The following USH2A variants were observed in gnomAD, a reference collection of about 807,000 sequenced individuals.
The protein encoded by USH2A is usherin.
In USH2A, 443 loss-of-function variants were observed where a neutral mutation model predicts 538.9. The observed-to-expected ratio is 0.82, with a 90% CI of 0.76 to 0.89. The LOEUF is 0.89. Among genes scored for constraint, USH2A ranks in the 40% least tolerant of loss-of-function variants. The pLI is 0.00. For missense variants in USH2A, 6,633 were observed against 6,324.8 expected, an observed-to-expected ratio of 1.05 and a Z score of -1.65; for synonymous variants, 2,413 against 2,273.5, an observed-to-expected ratio of 1.06 and a Z score of -1.75.
chr1:216,050,561 T>TTTCTTTCC (rs1381048099), intron 30 of USH2A, among the ~76,000 whole-genome samples: 174 of 12,140 alleles, frequency 0.014, 7 homozygotes, highest in African/African-American at 0.037. Flanking sequence ...TTTGTATCTT[T>TTTCTTTCC]TTCTTTCTTT....
At chr1:216,358,512 T>G (rs1393894037) in intron 4 of USH2A, among the ~76,000 whole-genome samples, 1 of 152,102 alleles carries the variant, frequency 6.6e-6, no homozygotes, top group Non-Finnish European at 1.5e-5. Flanking sequence ...AGAAAATGAT[T>G]TATAATAAGT....
chr1:216,049,001 ACCT>A, intron 30 of USH2A, among the ~76,000 whole-genome samples: 1 of 152,192 alleles, frequency 6.6e-6, no homozygotes, highest in East Asian at 1.9e-4. Flanking sequence ...AGGATCCTAG[ACCT>A]CCTGCAGAAA....
At position 215,936,507 on chromosome 1, in the gene USH2A, T is replaced by C. The variant is rs141132947; in HGVS notation, c.7121-1712A>G. 1.1e-4 allele frequency among the ~76,000 whole-genome samples: 17 copies of C among 152,178 alleles called. No homozygotes were observed. In the East Asian group the frequency reaches 3.3e-3, roughly 29 times the overall value. ...TTCTTCATCTGTGAACTGGGAATGA[T>C]AATACAGTATTTACATTGCAGTGCT... On this transcript the variant is annotated intron_variant, in intron 37 of 71. Transcript: ENST00000307340.
At chr1:215,642,935 A>ACC (rs768982824) in intron 67 of USH2A, among the ~76,000 whole-genome samples, 1 of 152,212 alleles carries the variant, frequency 6.6e-6, no homozygotes, top group Non-Finnish European at 1.5e-5. Flanking sequence ...TCTTCTCCAG[A>ACC]CCCGTTGCTG....
intron 50 of USH2A, among the ~76,000 whole-genome samples, chr1:215,790,534 C>T (rs1466648613): frequency 6.6e-6 from 1 of 152,216 alleles, no homozygotes. Flanking sequence ...GGCCAAACTT[C>T]TCTCATGCTC....
rs555709016 is a variant in USH2A at position 215,786,375 on chromosome 1, G to T, written c.10387+295C>A. ...ATTGCAGCTTTTGAAAAAGGAAATT[G>T]GATTTATTGTAAATTAACTGGATAT... On this transcript the variant is annotated intron_variant, in intron 52 of 71. Coordinates refer to ENST00000307340, the MANE Select transcript of USH2A (RefSeq NM_206933.4). Among the ~76,000 whole-genome samples, 5 of 152,136 alleles carry T rather than the reference G, an allele frequency of 3.3e-5. No homozygotes were observed. The South Asian group carries it at 1.0e-3, about 32-fold the overall frequency.
At position 216,039,891 on chromosome 1, in the gene USH2A, C is replaced by A. The variant is rs184152701; in HGVS notation, c.6325+6540G>T. On this transcript the variant is annotated intron_variant, in intron 32 of 71. Coordinates refer to ENST00000307340, the MANE Select transcript of USH2A (RefSeq NM_206933.4). ...TACACATAGTTCTCTTTGACCTTGG[C>A]AAATAAGACCAAAAAAAAAGTTTTA... Among the ~76,000 whole-genome samples the A allele has an allele frequency of 2.6e-5, 4 of 151,866 alleles. No individual in the cohort carries two copies. In the East Asian group the frequency reaches 7.7e-4, roughly 29 times the overall value.
chr1:215,767,292 T>C (rs1188945432), intron 55 of USH2A, among the ~76,000 whole-genome samples: 3 of 152,172 alleles, frequency 2.0e-5, no homozygotes, highest in Non-Finnish European at 4.4e-5. Flanking sequence ...AAATCCCCCC[T>C]GAGTCTTCTC....
In USH2A at chr1:215,674,772, G is replaced by A. The variant is rs533179037; in HGVS notation, c.13139C>T (p.Thr4380Ile). 1.3e-5 allele frequency: 21 copies of A among 1,614,118 alleles called. No homozygotes were observed. The highest frequency in any genetic ancestry group is 1.6e-4 in the Middle Eastern group (1 of 6,062). Residue 4380 changes from threonine (T) to isoleucine (I), a missense_variant, in exon 63 of 72, where the codon ACA becomes ATA. Thr to Ile is a moderately conservative substitution (Grantham distance 89). Transcript: ENST00000307340. The part of the protein sequence containing the change: ...TQMNVCWSPP[T>I]VQNGKITKYL... The stretch of plus-strand genomic sequence containing the variant: ...TTTAGTAATCTTTCCATTTTGCACT[G>A]TGGGCGGTGACCAACATACATTCAT...
rs1053289923 is a variant in USH2A, at chr1:215,623,635, C to A, written c.*2146G>T. On this transcript the variant is annotated 3_prime_UTR_variant, in exon 72 of 72. Transcript: ENST00000307340. ...TTCTGGGCAGAAGCCATACAGGCTTCTGTCTGCCCTAAGCTATGGAGTCAA... is the reference window on the plus strand; with the variant it reads ...TTCTGGGCAGAAGCCATACAGGCTTATGTCTGCCCTAAGCTATGGAGTCAA... 1 of 152,144 alleles carries A rather than the reference C, an allele frequency of 6.6e-6. No individual in the cohort carries two copies. Among genetic ancestry groups the A allele is most frequent in the Non-Finnish European group, 1.5e-5 (1 of 68,016 alleles). The allele number at this position is 152,144 out of a possible 1,614,324, so 9.4% of individuals were successfully genotyped here.
rs1283761401 is a variant in USH2A at position 215,878,808 on chromosome 1, C to A, written c.8514G>T (p.Val2838=). ...GCTTGGATGGTGGTTGCCAAGAAAT[C>A]ACAACATATGATTCACTTAGTGGAA... ...SVIPLSESYV[V]ISWQPPSKPN... is the part of the protein sequence containing the mutation. The change falls in exon 42 of 72, where the codon GTG becomes GTT. Residue 2838 remains valine (V), a synonymous_variant. Coordinates refer to ENST00000307340, the MANE Select transcript of USH2A (RefSeq NM_206933.4). The A allele has an allele frequency of 1.2e-6, 2 of 1,613,866 alleles. No homozygotes were observed. Among genetic ancestry groups the A allele is most frequent in the Non-Finnish European group, 1.7e-6 (2 of 1,179,954 alleles).
intron 61 of USH2A, among the ~76,000 whole-genome samples, chr1:215,704,687 C>T (rs1480793779): frequency 6.6e-6 from 1 of 152,204 alleles, no homozygotes; most frequent in Non-Finnish European, 1.5e-5. Flanking sequence ...ACAACACACT[C>T]TTCAATGAGG....
At chr1:215,945,238 T>C (rs1666729753) in intron 37 of USH2A, among the ~76,000 whole-genome samples, 1 of 152,134 alleles carries the variant, frequency 6.6e-6, no homozygotes, top group South Asian at 2.1e-4. Flanking sequence ...AATTTTGCTC[T>C]CTAATTTAAA....
chr1:216,133,062 G>C (rs1277296525), intron 21 of USH2A, among the ~76,000 whole-genome samples: 3 of 152,014 alleles, frequency 2.0e-5, no homozygotes, highest in Admixed American at 1.3e-4. Flanking sequence ...TGGGAAGGGA[G>C]AACAAGAGTT....
chr1:216,085,924 G>T (rs529320643), intron 24 of USH2A, among the ~76,000 whole-genome samples: 124 of 152,118 alleles, frequency 8.2e-4, no homozygotes, highest in African/African-American at 2.9e-3. Flanking sequence ...CCCTGAGACT[G>T]CAACCCATGA....
chr1:215,757,116 G>A (rs1304186684), intron 58 of USH2A, among the ~76,000 whole-genome samples: 9 of 152,100 alleles, frequency 5.9e-5, no homozygotes, highest in Non-Finnish European at 2.9e-5. Flanking sequence ...AGCACTTTGT[G>A]ATGCATTCTG....
At chr1:216,144,294 G>C (rs2033652477) in intron 21 of USH2A, among the ~76,000 whole-genome samples, 1 of 151,800 alleles carries the variant, frequency 6.6e-6, no homozygotes, top group African/African-American at 2.4e-5. Flanking sequence ...ACTTCTCTTA[G>C]AATTTTAACT....
At chr1:215,735,194 C>T (rs941242693) in intron 60 of USH2A, among the ~76,000 whole-genome samples, 8 of 152,130 alleles carry the variant, frequency 5.3e-5, no homozygotes, top group Non-Finnish European at 1.2e-4. Flanking sequence ...TGTCTGAGTC[C>T]CAGCTTCACA....
chr1:215,952,160 G>A lies in USH2A; in HGVS notation c.7120+13157C>T, dbSNP rs562687674. Among the ~76,000 whole-genome samples the A allele has an allele frequency of 5.3e-5, 8 of 152,168 alleles. No individual in the cohort carries two copies. The South Asian group carries it at 8.3e-4, about 16-fold the overall frequency. On this transcript the variant is annotated intron_variant, in intron 37 of 71. Transcript: ENST00000307340. The stretch of plus-strand genomic sequence containing the variant: ...ATTACAGGCGTGAGCCACCGCGCCC[G>A]GCCTGGTTTAAAGTCTGTTTTATCA...
Sources: gnomAD v4.1 joint callset for allele counts (sites outside exome capture counted in the v4.1 genomes callset) on GRCh38, gnomAD v4.1.1 for gene constraint, MANE v1.5 for transcripts, NCBI Gene and HGNC (gene_info 2026-07-23, HGNC 2026-07-21) for gene names.